TBC1D5: variants seen among roughly 807,000 people sequenced by gnomAD.
TBC1D5 encodes the protein TBC1 domain family member 5.
In TBC1D5, 75 loss-of-function variants were observed where a neutral mutation model predicts 100.3. The ratio of observed to expected loss-of-function variants is 0.75; its 90% CI spans 0.62 to 0.91. The LOEUF is 0.91. TBC1D5 is among the 40% of genes least tolerant of loss of function. The pLI is 0.00. For synonymous variants in TBC1D5, 323 were observed against 325.6 expected, an observed-to-expected ratio of 0.99 and a Z score of 0.09; for missense variants, 910 against 942.4, an observed-to-expected ratio of 0.97 and a Z score of 0.45.
At position 17,223,582 on chromosome 3, in the gene TBC1D5, G is replaced by A. The variant is rs188979503; in HGVS notation, c.1589-9212C>T. On this transcript the variant is annotated intron_variant, in intron 17 of 21. Coordinates refer to ENST00000253692, the Ensembl canonical transcript of TBC1D5. The stretch of plus-strand genomic sequence containing the variant: ...TCCAAACTTAAAAGACTACGCTGGC[G>A]GGGTGCGGTGGCTCACACCTGTAAT... Among the ~76,000 whole-genome samples, 31 of 152,222 alleles carry A rather than the reference G, an allele frequency of 2.0e-4. No individual in the cohort carries two copies. In the East Asian group the frequency reaches 4.8e-3, roughly 24 times the overall value.
At chr3:17,229,032 C>A (rs772455660) in intron 17 of TBC1D5, among the ~76,000 whole-genome samples, 1 of 152,036 alleles carries the variant, frequency 6.6e-6, no homozygotes. Context: ...AGGGGGTGGG[C>A]ATTTTACTAA....
intron 17 of TBC1D5, among the ~76,000 whole-genome samples, chr3:17,236,421 G>C (rs1017825969): frequency 6.6e-6 from 1 of 151,688 alleles, no homozygotes; most frequent in African/African-American, 2.4e-5. Context: ...CTAATGCTTT[G>C]GTCTCTTTTT....
At chr3:17,683,725 A>C (rs1023013243) in intron 1 of TBC1D5, among the ~76,000 whole-genome samples, 5 of 152,166 alleles carry the variant, frequency 3.3e-5, no homozygotes, top group Admixed American at 2.6e-4. Flanking sequence ...GCAATCAGCA[A>C]GCTACTTAAC....
chr3:17,731,114 C>T (rs2076518107), intron 1 of TBC1D5, among the ~76,000 whole-genome samples: 1 of 152,004 alleles, frequency 6.6e-6, no homozygotes, highest in Admixed American at 6.6e-5. Context: ...CTACTCTGTG[C>T]CCAAGGCAAG....
chr3:17,441,751 GTATTT>G (rs2094662715), intron 3 of TBC1D5, among the ~76,000 whole-genome samples: 1 of 152,150 alleles, frequency 6.6e-6, no homozygotes, highest in African/African-American at 2.4e-5. Context: ...GGTGGTAAAA[GTATTT>G]TATTTCATGC....
At chr3:17,260,436 T>C (rs1463377178) in intron 15 of TBC1D5, among the ~76,000 whole-genome samples, 1 of 152,194 alleles carries the variant, frequency 6.6e-6, no homozygotes, top group Non-Finnish European at 1.5e-5. Flanking sequence ...GGAATAATGA[T>C]CTAACTTGAA....
exon 17 of TBC1D5, chr3:17,238,208 G>C: frequency 1.2e-6 from 2 of 1,613,770 alleles, no homozygotes; most frequent in Non-Finnish European, 8.5e-7. Flanking sequence ...ATCAGCCTCT[G>C]CTGCTGCTGT....
chr3:17,229,691 G>C (rs994008231), intron 17 of TBC1D5, among the ~76,000 whole-genome samples: 11 of 152,054 alleles, frequency 7.2e-5, no homozygotes, highest in South Asian at 4.2e-4. Flanking sequence ...TTACAAATAA[G>C]AGGTTAAGTA....
At chr3:17,481,538 G>C (rs554156131) in intron 3 of TBC1D5, among the ~76,000 whole-genome samples, 1 of 152,206 alleles carries the variant, frequency 6.6e-6, no homozygotes, top group Non-Finnish European at 1.5e-5. Flanking sequence ...CTGGGCCACA[G>C]AGCGAGACCT....
chr3:17,236,915 G>A (rs1191006719), intron 17 of TBC1D5, among the ~76,000 whole-genome samples: 1 of 152,096 alleles, frequency 6.6e-6, no homozygotes, highest in African/African-American at 2.4e-5. Flanking sequence ...ATACAGACAC[G>A]CATGGGTGTG....
chr3:17,295,821 A>G (rs984138646), intron 14 of TBC1D5, among the ~76,000 whole-genome samples: 5 of 152,208 alleles, frequency 3.3e-5, no homozygotes, highest in Admixed American at 6.5e-5. Flanking sequence ...TCAAGTACCT[A>G]TAATATGCCT....
intron 15 of TBC1D5, among the ~76,000 whole-genome samples, chr3:17,291,651 A>G (rs376627848): frequency 7.2e-5 from 11 of 152,192 alleles, no homozygotes; most frequent in East Asian, 5.8e-4. Context: ...AAAGCATAGA[A>G]TAACCTTCTG....
intron 1 of TBC1D5, among the ~76,000 whole-genome samples, chr3:17,676,729 T>C (rs2068690010): frequency 6.6e-6 from 1 of 152,322 alleles, no homozygotes; most frequent in South Asian, 2.1e-4. Context: ...GCTGGAGGCA[T>C]CATGCTACCT....
chr3:17,374,347 G>A, intron 12 of TBC1D5, 124 bp downstream of exon 12: 1 of 835,482 alleles, frequency 1.2e-6, no homozygotes, highest in Non-Finnish European at 1.8e-6. Context: ...TTATTCCATA[G>A]GTAATTTCAT....
intron 15 of TBC1D5, among the ~76,000 whole-genome samples, chr3:17,270,740 T>C (rs932147709): frequency 4.6e-5 from 7 of 152,178 alleles, no homozygotes; most frequent in Admixed American, 2.6e-4. Context: ...AGGATTTTTA[T>C]AGGCTGAGGT....
chr3:17,548,781 A>C (rs1203317265), intron 2 of TBC1D5, among the ~76,000 whole-genome samples: 1 of 152,232 alleles, frequency 6.6e-6, no homozygotes, highest in Non-Finnish European at 1.5e-5. Flanking sequence ...CATCTGGGCT[A>C]ACATAATAAA....
chr3:17,229,858 G>A (rs2075264911), intron 17 of TBC1D5, among the ~76,000 whole-genome samples: 1 of 152,072 alleles, frequency 6.6e-6, no homozygotes, highest in South Asian at 2.1e-4. Flanking sequence ...TTAGATTAAA[G>A]CAAAATGGAA....
chr3:17,326,404 G>A (rs958397865), intron 13 of TBC1D5, among the ~76,000 whole-genome samples: 1 of 152,162 alleles, frequency 6.6e-6, no homozygotes, highest in African/African-American at 2.4e-5. Flanking sequence ...TTAGTCAGAT[G>A]AAAAGAGTAA....
Position 17,283,704 on chromosome 3 carries a change from G to A in TBC1D5, c.1245+8191C>T, listed in dbSNP as rs147986737. ...GTCTTAATCATTGCCAAGAATCACC[G>A]AGAATCCCGTAATCTTTCTGAAATT... On this transcript the variant is annotated intron_variant, in intron 15 of 21. Coordinates refer to ENST00000253692, the Ensembl canonical transcript of TBC1D5. Among the ~76,000 whole-genome samples the A allele has an allele frequency of 2.9e-4, 44 of 151,948 alleles. 1 individual carries two copies. In the East Asian group the frequency reaches 5.4e-3, roughly 19 times the overall value.
Sources: allele counts gnomAD v4.1 joint callset (sites outside exome capture counted in the v4.1 genomes callset), GRCh38; gene constraint gnomAD v4.1.1; transcripts MANE v1.5; gene names NCBI Gene and HGNC (gene_info 2026-07-23, HGNC 2026-07-21).